The following SAMD4A variants were observed in gnomAD, a reference collection of about 807,000 sequenced individuals.
SAMD4A encodes the protein sterile alpha motif domain containing 4A, also known as protein Smaug homolog 1.
SAMD4A carries 33 observed loss-of-function variants against 81.3 expected under a neutral mutation model. That is an observed-to-expected ratio of 0.41 (90% CI 0.31 to 0.54). The LOEUF is 0.54. SAMD4A is among the 20% of genes least tolerant of loss of function. The probability of loss-of-function intolerance (pLI) is 0.37; values close to 1 mark genes in which losing one functional copy is unlikely to be tolerated. For synonymous variants in SAMD4A, 389 were observed against 382.1 expected (o/e 1.02, Z -0.21); for missense variants, 854 against 951.1 (o/e 0.90, Z 1.34).
intron 2 of SAMD4A, among the ~76,000 whole-genome samples, chr14:54,573,943 CA>C (rs1304834699): frequency 6.6e-6 from 1 of 152,186 alleles, no homozygotes; most frequent in African/African-American, 2.4e-5. Flanking sequence ...GTTCCCATTC[CA>C]CATATCAACA....
intron 3 of SAMD4A, among the ~76,000 whole-genome samples, chr14:54,715,377 C>T (rs1474858174): frequency 6.6e-6 from 1 of 151,876 alleles, no homozygotes; most frequent in East Asian, 1.9e-4. Flanking sequence ...GCTGATGAGT[C>T]GATAGTACTC....
chr14:54,712,513 AAACATGACTCAG>A (rs1566598966), intron 3 of SAMD4A, among the ~76,000 whole-genome samples: 7 of 152,176 alleles, frequency 4.6e-5, no homozygotes, highest in Non-Finnish European at 8.8e-5. Context: ...ACTACATTGT[AAACATGACTCAG>A]TGATATCTCA....
intron 2 of SAMD4A, among the ~76,000 whole-genome samples, chr14:54,670,012 T>C (rs2035844918): frequency 6.6e-6 from 1 of 152,202 alleles, no homozygotes; most frequent in South Asian, 2.1e-4. Context: ...ACCAGTGAAA[T>C]GTTTTTGTGG....
intron 2 of SAMD4A, among the ~76,000 whole-genome samples, chr14:54,654,004 G>T (rs1274651233): frequency 1.3e-5 from 2 of 152,224 alleles, no homozygotes; most frequent in African/African-American, 2.4e-5. Context: ...TGAGTCTTCA[G>T]TGTGTCACTT....
chr14:54,582,153 T>C (rs975128364), intron 2 of SAMD4A, among the ~76,000 whole-genome samples: 1 of 152,226 alleles, frequency 6.6e-6, no homozygotes. Context: ...GATATTAAGC[T>C]GCTGGTGGGT....
intron 2 of SAMD4A, among the ~76,000 whole-genome samples, chr14:54,572,791 A>G (rs1299952971): frequency 2.6e-5 from 4 of 152,234 alleles, no homozygotes; most frequent in African/African-American, 7.2e-5. Context: ...GCAAGGATCT[A>G]TTCTATCCCT....
intron 11 of SAMD4A, among the ~76,000 whole-genome samples, chr14:54,777,044 T>TCACTATGCTTC (rs1262239299): frequency 6.6e-6 from 1 of 152,268 alleles, no homozygotes; most frequent in Non-Finnish European, 1.5e-5. Flanking sequence ...ATTTCAGCTT[T>TCACTATGCTTC]CACTATGCTT....
rs752916073 is a variant in SAMD4A at position 54,760,260 on chromosome 14, G to A, written c.1276G>A (p.Glu426Lys). The A allele has an allele frequency of 8.7e-6, 14 of 1,612,664 alleles. No homozygotes were observed. Among genetic ancestry groups the A allele is most frequent in the Non-Finnish European group, 1.2e-5 (14 of 1,179,848 alleles). Residue 426 changes from glutamate to lysine, a missense_variant, in exon 7 of 13, where the codon GAG (glutamate) becomes AAG (lysine). Physicochemically the swap from Glu to Lys is moderately conservative, Grantham distance 56 (BLOSUM62 1). Around this residue, in one of 3 missense-constraint regions of SAMD4A, gnomAD observed 428 missense variants for 471.2 expected, o/e 0.91. Coordinates refer to ENST00000554335, the MANE Select transcript of SAMD4A (RefSeq NM_015589.6). ...KAYSSPSTTP[E>K]ARRREPQAPR... ...CTACAGCTCCCCGAGCACCACCCCC[G>A]AGGCTCGCCGCCGGGAGCCCCAGGC... is the stretch of plus-strand genomic sequence containing the variant.
chr14:54,709,056 C>T (rs187979538), intron 3 of SAMD4A, among the ~76,000 whole-genome samples: 46 of 152,260 alleles, frequency 3.0e-4, no homozygotes, highest in Non-Finnish European at 4.7e-4. Context: ...GCAGGCAGAT[C>T]GCATAAGCTC....
intron 3 of SAMD4A, among the ~76,000 whole-genome samples, chr14:54,716,154 T>A (rs1200286666): frequency 6.6e-6 from 1 of 152,178 alleles, no homozygotes; most frequent in Non-Finnish European, 1.5e-5. Flanking sequence ...TACCAATAAG[T>A]CAAATATTTT....
At chr14:54,670,340 A>G (rs1381884813) in intron 2 of SAMD4A, among the ~76,000 whole-genome samples, 1 of 152,182 alleles carries the variant, frequency 6.6e-6, no homozygotes, top group African/African-American at 2.4e-5. Context: ...GTAGCTTTTC[A>G]CATAAAAGAC....
chr14:54,784,718 A>G, intron 12 of SAMD4A, 98 bp downstream of exon 12: 1 of 1,110,660 alleles, frequency 9.0e-7, no homozygotes, highest in South Asian at 1.3e-5. Context: ...GCTCAGGAGA[A>G]TTGGGGGAGG....
chr14:54,744,119 A>G (rs1434930277), intron 4 of SAMD4A, among the ~76,000 whole-genome samples: 1 of 152,080 alleles, frequency 6.6e-6, no homozygotes, highest in Non-Finnish European at 1.5e-5. Context: ...AGTTACCAGG[A>G]CCACCCCTAC....
chr14:54,788,925 A>G lies in SAMD4A; in HGVS notation c.2138A>G (p.Asp713Gly). 1 of 1,614,134 alleles carries G rather than the reference A, an allele frequency of 6.2e-7. No homozygotes were observed. The highest frequency in any genetic ancestry group is 2.2e-5 in the East Asian group (1 of 44,890). Reference protein sequence around the residue: ...MTEHALGDGVDRTSTI With the variant: ...MTEHALGDGVGRTSTI Reference sequence around the variant, plus strand: ...CTGCTTTCTCTCCCAGACGGGGTTGACCGGACCTCCACCATCTAGAAGCTG... The same window carrying G: ...CTGCTTTCTCTCCCAGACGGGGTTGGCCGGACCTCCACCATCTAGAAGCTG... The change falls in exon 13 of 13, where the codon GAC (aspartate) becomes GGC (glycine). Residue 713 changes from aspartate (D) to glycine (G), a missense_variant. This residue lies in a region of SAMD4A where 428 missense variants were observed against 471.2 expected (regional missense o/e 0.91). Coordinates refer to ENST00000554335, the MANE Select transcript of SAMD4A (RefSeq NM_015589.6).
At chr14:54,717,809 C>T (rs910054297) in intron 3 of SAMD4A, among the ~76,000 whole-genome samples, 1 of 150,990 alleles carries the variant, frequency 6.6e-6, no homozygotes, top group Non-Finnish European at 1.5e-5. Flanking sequence ...TTGCAGACCT[C>T]GCTGTTGTTC....
chr14:54,638,659 G>A (rs953435733), intron 2 of SAMD4A, among the ~76,000 whole-genome samples: 1 of 152,104 alleles, frequency 6.6e-6, no homozygotes, highest in African/African-American at 2.4e-5. Context: ...GCTATTTTTT[G>A]AACAACAAGA....
At chr14:54,617,694 T>A (rs181952025) in intron 2 of SAMD4A, among the ~76,000 whole-genome samples, 1 of 152,346 alleles carries the variant, frequency 6.6e-6, no homozygotes, top group Admixed American at 6.5e-5. Context: ...TCACTGCCAC[T>A]ACTCACACTA....
intron 11 of SAMD4A, among the ~76,000 whole-genome samples, chr14:54,780,775 A>G (rs1436116379): frequency 1.3e-5 from 2 of 152,106 alleles, no homozygotes; most frequent in Non-Finnish European, 2.9e-5. Flanking sequence ...CTCCACAGGC[A>G]CTGACCTTCT....
intron 2 of SAMD4A, among the ~76,000 whole-genome samples, chr14:54,681,156 G>A (rs971683693): frequency 6.6e-6 from 1 of 152,038 alleles, no homozygotes; most frequent in Non-Finnish European, 1.5e-5. Context: ...CAGGAGTAAG[G>A]CTGCAGAAAG....
Sources: gnomAD v4.1 joint callset for allele counts (sites outside exome capture counted in the v4.1 genomes callset) on GRCh38, gnomAD v4.1.1 for gene constraint, gnomAD v4.1.1 regional missense constraint, MANE v1.5 for transcripts, NCBI Gene and HGNC (gene_info 2026-07-23, HGNC 2026-07-21) for gene names.